NOL10: variants seen among roughly 807,000 people sequenced by gnomAD.
NOL10 encodes the protein H_NH0074G24.1.
Under a neutral mutation model 103.5 loss-of-function variants are expected in NOL10, and 58 were observed. That is an observed-to-expected ratio of 0.56 (90% CI 0.45 to 0.70). The LOEUF (loss-of-function observed/expected upper bound fraction) is 0.70. NOL10 is among the 30% of genes least tolerant of loss of function. The probability of loss-of-function intolerance (pLI) is 0.00; values close to 1 mark genes in which losing one functional copy is unlikely to be tolerated. For synonymous variants in NOL10, 287 were observed against 282.5 expected (o/e 1.02, Z -0.16); for missense variants, 763 against 807.3 (o/e 0.95, Z 0.67).
intron 8 of NOL10, among the ~76,000 whole-genome samples, chr2:10,663,863 T>A (rs1680382747): frequency 6.7e-6 from 1 of 149,730 alleles, no homozygotes; most frequent in Admixed American, 6.7e-5. Context: ...GGCAGGAGAA[T>A]GGCATGAACC....
intron 17 of NOL10, among the ~76,000 whole-genome samples, chr2:10,595,579 TG>T (rs1317414683): frequency 1.2e-4 from 15 of 129,100 alleles, no homozygotes; most frequent in East Asian, 4.1e-4. Context: ...ATTACAGAAA[TG>T]TTTTTTTGTT....
intron 13 of NOL10, among the ~76,000 whole-genome samples, chr2:10,619,040 T>G (rs1476313728): frequency 6.6e-6 from 1 of 152,224 alleles, no homozygotes; most frequent in African/African-American, 2.4e-5. Context: ...TTAAGCAGGA[T>G]TCAGAACATG....
intron 13 of NOL10, among the ~76,000 whole-genome samples, chr2:10,638,838 C>T (rs1243692580): frequency 1.0e-5 from 1 of 99,632 alleles, no homozygotes; most frequent in Non-Finnish European, 2.0e-5. Flanking sequence ...ATTCTTGCTC[C>T]GTTGCCCAGG....
intron 17 of NOL10, among the ~76,000 whole-genome samples, chr2:10,593,128 A>C (rs10172926): frequency 0.35 from 51,917 of 147,326 alleles, 9,314 homozygotes; most frequent in Non-Finnish European, 0.4. Flanking sequence ...GAAACAAATT[A>C]GTTTTTTTTT....
chr2:10,600,222 G>A (rs1047698145), intron 17 of NOL10, among the ~76,000 whole-genome samples: 1 of 152,110 alleles, frequency 6.6e-6, no homozygotes, highest in Non-Finnish European at 1.5e-5. Context: ...GAAAACACTA[G>A]AAAAATCTCA....
chr2:10,620,748 T>C (rs55634265), intron 13 of NOL10, among the ~76,000 whole-genome samples: 2,428 of 152,272 alleles, frequency 0.016, 60 homozygotes, highest in African/African-American at 0.055. Flanking sequence ...TATATGTGGG[T>C]GTGCATGACT....
intron 19 of NOL10, among the ~76,000 whole-genome samples, chr2:10,584,863 T>C (rs1309569524): frequency 6.6e-6 from 1 of 152,224 alleles, no homozygotes; most frequent in African/African-American, 2.4e-5. Flanking sequence ...CACCTCGCTA[T>C]GGGTTATTCT....
chr2:10,619,517 ATC>A (rs1213900840), intron 13 of NOL10, among the ~76,000 whole-genome samples: 1 of 152,216 alleles, frequency 6.6e-6, no homozygotes, highest in Non-Finnish European at 1.5e-5. Flanking sequence ...CATAAAACAT[ATC>A]TGTTAAAGTT....
intron 14 of NOL10, among the ~76,000 whole-genome samples, chr2:10,606,453 C>T (rs1039741340): frequency 3.4e-4 from 52 of 151,722 alleles, no homozygotes; most frequent in Non-Finnish European, 4.4e-5. Context: ...GGTGAAACCC[C>T]GTCTTACCAT....
intron 9 of NOL10, among the ~76,000 whole-genome samples, chr2:10,659,655 T>C (rs947286807): frequency 7.2e-5 from 11 of 152,002 alleles, no homozygotes; most frequent in African/African-American, 2.4e-4. Context: ...TGCGCTGCAG[T>C]GGAGCTCTGC....
At chr2:10,629,362 T>C (rs1677688519) in intron 13 of NOL10, among the ~76,000 whole-genome samples, 1 of 151,986 alleles carries the variant, frequency 6.6e-6, no homozygotes, top group Non-Finnish European at 1.5e-5. Flanking sequence ...TTTATATTCA[T>C]ACAGAAAATA....
intron 12 of NOL10, among the ~76,000 whole-genome samples, chr2:10,649,801 T>C (rs1679340584): frequency 6.6e-6 from 1 of 152,208 alleles, no homozygotes; most frequent in South Asian, 2.1e-4. Context: ...AAAAGCCACA[T>C]GGACAATGTA....
chr2:10,586,713 A>G (rs1675038814), intron 19 of NOL10, among the ~76,000 whole-genome samples: 1 of 152,160 alleles, frequency 6.6e-6, no homozygotes, highest in Admixed American at 6.5e-5. Context: ...AACAAGGATG[A>G]AGACCTTTAC....
chr2:10,591,043 A>G (rs1270060668), intron 17 of NOL10: 2 of 152,238 alleles, frequency 1.3e-5, no homozygotes, highest in African/African-American at 4.8e-5. Context: ...TTTGTGTGAC[A>G]GACCTATACA....
intron 4 of NOL10, 114 bp downstream of exon 4, chr2:10,675,680 T>C: frequency 3.3e-6 from 2 of 613,012 alleles, no homozygotes; most frequent in South Asian, 4.3e-5. Flanking sequence ...TGTAGTACAG[T>C]AATTTGTTAT....
chr2:10,642,410 A>T (rs958471872), intron 13 of NOL10, among the ~76,000 whole-genome samples: 2 of 152,316 alleles, frequency 1.3e-5, no homozygotes, highest in Middle Eastern at 3.4e-3. Context: ...CGTCCAGATT[A>T]GAGCCTGTTT....
chr2:10,611,277 A>G lies in NOL10; in HGVS notation c.1027-3966T>C, dbSNP rs541747456. The stretch of plus-strand genomic sequence containing the variant: ...CTTTATGTACCAACATGCTACAAGA[A>G]GGCCACAACTCAAATGCAGCAAAGT... On this transcript the variant is annotated intron_variant, in intron 13 of 20. Transcript: ENST00000381685. Among the ~76,000 whole-genome samples, 70 of 152,356 alleles carry G rather than the reference A, an allele frequency of 4.6e-4. 2 individuals carry two copies. In the Middle Eastern group the frequency reaches 0.014, roughly 30 times the overall value.
chr2:10,589,054 C>T lies in NOL10; in HGVS notation c.1833G>A (p.Gln611=), dbSNP rs776653947. Residue 611 remains glutamine (Q), a synonymous_variant, in exon 19 of 21, where the codon CAG becomes CAA. Transcript: ENST00000381685. ...GCAGTGCTACTCACTTCATCAGTTTCTGCTTTGTGGCAGAATCTTTGAAGC... is the reference window on the plus strand; with the variant it reads ...GCAGTGCTACTCACTTCATCAGTTTTTGCTTTGTGGCAGAATCTTTGAAGC... ...FRSFKDSATK[Q]KLMNKTLEDR... is the part of the protein sequence containing the mutation. 9.3e-6 allele frequency: 15 copies of T among 1,613,794 alleles called. No homozygotes were observed. The highest frequency in any genetic ancestry group is 3.4e-6 in the Non-Finnish European group (4 of 1,179,900).
In NOL10 at chr2:10,601,074, T is replaced by A. The variant is rs554870996; in HGVS notation, c.1333-132A>T. 14 of 561,812 alleles carry A rather than the reference T, an allele frequency of 2.5e-5. No homozygotes were observed. In the East Asian group the frequency reaches 2.8e-4, roughly 11 times the overall value. The allele number at this position is 561,812 out of a possible 1,614,324, so 34.8% of individuals were successfully genotyped here. ...GATAACTAATTCTTATTTTATTATT[T>A]TTTTTTTGAGATGGAGTCTCGCTCT... On this transcript the variant is annotated intron_variant, in intron 16 of 20. Transcript: ENST00000381685.
Sources: allele counts gnomAD v4.1 joint callset (sites outside exome capture counted in the v4.1 genomes callset), GRCh38; gene constraint gnomAD v4.1.1; transcripts MANE v1.5; gene names NCBI Gene and HGNC (gene_info 2026-07-23, HGNC 2026-07-21).